CSMD1: variants seen among roughly 807,000 people sequenced by gnomAD.
CSMD1 encodes the protein CUB and sushi domain-containing protein 1.
A neutral mutation model predicts 417.5 loss-of-function variants in CSMD1; 213 were observed. The ratio of observed to expected loss-of-function variants is 0.51; its 90% confidence interval spans 0.46 to 0.57. CSMD1 has a LOEUF of 0.57. CSMD1 is among the 20% of genes least tolerant of loss of function. CSMD1 has a pLI of 0.00. For synonymous variants in CSMD1, 2,862 were observed against 1,736.8 expected, an observed-to-expected ratio of 1.65 and a Z score of -16.11; for missense variants, 6,923 against 4,529.7, an observed-to-expected ratio of 1.53 and a Z score of -15.17.
Position 4,232,712 on chromosome 8 carries a change from C to T in CSMD1, c.415+187241G>A, listed in dbSNP as rs114229115. The stretch of plus-strand genomic sequence containing the variant: ...GAGACATTTTATAAAAGTGTCATGT[C>T]AAGCATGATTTAACAGTCGTAAGAT... On this transcript the variant is annotated intron_variant, in intron 3 of 69. Coordinates refer to ENST00000635120, the MANE Select transcript of CSMD1 (RefSeq NM_033225.6). Among the ~76,000 whole-genome samples, 1,093 of 152,270 alleles carry T rather than the reference C, an allele frequency of 7.2e-3. 9 individuals are homozygous for T. The highest frequency in any genetic ancestry group is 0.025 in the African/African-American group (1,021 of 41,544).
Position 3,884,976 on chromosome 8 carries a change from CAT to C in CSMD1, c.818+112925_818+112926del, listed in dbSNP as rs150695435. ...ACACACACATTCAGAAGGCATCATTCATATATATATATATGCACCTATCAAAT... is the reference window on the plus strand; with the variant it reads ...ACACACACATTCAGAAGGCATCATTCATATATATATATGCACCTATCAAAT... On this transcript the variant is annotated intron_variant, in intron 5 of 69. Transcript: ENST00000635120. Among the ~76,000 whole-genome samples, 23 of 148,016 alleles carry C rather than the reference CAT, an allele frequency of 1.6e-4. No homozygotes were observed. In the East Asian group the frequency reaches 2.0e-3, roughly 13 times the overall value.
At chr8:4,335,811 T>C (rs1800131322) in intron 3 of CSMD1, among the ~76,000 whole-genome samples, 1 of 151,956 alleles carries the variant, frequency 6.6e-6, no homozygotes, top group South Asian at 2.1e-4. Context: ...CCATGGAAGA[T>C]ACAACATTAC....
At chr8:3,787,350 T>C (rs959775155) in intron 5 of CSMD1, among the ~76,000 whole-genome samples, 9 of 152,200 alleles carry the variant, frequency 5.9e-5, no homozygotes, top group African/African-American at 1.9e-4. Context: ...TCAATGTTGA[T>C]GCCATTTTGC....
At chr8:4,939,266 T>C (rs745878117) in intron 1 of CSMD1, among the ~76,000 whole-genome samples, 2 of 152,146 alleles carry the variant, frequency 1.3e-5, no homozygotes, top group East Asian at 3.9e-4. Flanking sequence ...AAACTAAAAA[T>C]AGAACAACCA....
chr8:3,497,924 G>C (rs936328592), intron 10 of CSMD1, among the ~76,000 whole-genome samples: 1 of 152,146 alleles, frequency 6.6e-6, no homozygotes, highest in Non-Finnish European at 1.5e-5. Flanking sequence ...CACAATGGTG[G>C]TTATCACCCT....
intron 10 of CSMD1, among the ~76,000 whole-genome samples, chr8:3,507,686 T>C (rs1005040473): frequency 3.1e-4 from 47 of 152,240 alleles, no homozygotes; most frequent in African/African-American, 1.1e-3. Context: ...GACTTTTTAA[T>C]GATTGCCATT....
intron 2 of CSMD1, among the ~76,000 whole-genome samples, chr8:4,441,260 GTT>G (rs34935169): frequency 3.0e-5 from 2 of 67,004 alleles, no homozygotes; most frequent in African/African-American, 5.9e-5. Flanking sequence ...ACTACACTCA[GTT>G]TTTTTTTTTT....
At chr8:3,591,041 T>C (rs1338161175) in intron 8 of CSMD1, among the ~76,000 whole-genome samples, 1 of 152,226 alleles carries the variant, frequency 6.6e-6, no homozygotes, top group Non-Finnish European at 1.5e-5. Context: ...AGAAAAAAGC[T>C]AGCAGTGCCT....
intron 12 of CSMD1, among the ~76,000 whole-genome samples, chr8:3,440,855 T>C (rs1314913109): frequency 2.0e-5 from 3 of 152,002 alleles, no homozygotes; most frequent in Non-Finnish European, 2.9e-5. Flanking sequence ...TGCTGAGACG[T>C]TGTCATGAAC....
At chr8:4,905,776 T>C (rs562753895) in intron 1 of CSMD1, among the ~76,000 whole-genome samples, 1,590 of 139,434 alleles carry the variant, frequency 0.011, 25 homozygotes, top group African/African-American at 0.035. Flanking sequence ...GCCGAGATTG[T>C]GCCACTGCAC....
intron 10 of CSMD1, among the ~76,000 whole-genome samples, chr8:3,519,319 T>C (rs1012232324): frequency 6.6e-6 from 1 of 152,182 alleles, no homozygotes; most frequent in Non-Finnish European, 1.5e-5. Context: ...TACTGTTAGC[T>C]CCAACCCCAA....
At chr8:4,658,480 C>G (rs762366333) in intron 1 of CSMD1, among the ~76,000 whole-genome samples, 2 of 152,010 alleles carry the variant, frequency 1.3e-5, no homozygotes, top group Non-Finnish European at 2.9e-5. Flanking sequence ...AAAGCAAAAA[C>G]AAAAACAAAA....
At chr8:3,996,078 T>G (rs1219794172) in intron 5 of CSMD1, among the ~76,000 whole-genome samples, 1 of 152,188 alleles carries the variant, frequency 6.6e-6, no homozygotes, top group Non-Finnish European at 1.5e-5. Flanking sequence ...AGAACACGCT[T>G]CTCATCACAC....
At chr8:4,463,381 G>T (rs747290152) in intron 2 of CSMD1, among the ~76,000 whole-genome samples, 4 of 152,144 alleles carry the variant, frequency 2.6e-5, no homozygotes, top group Non-Finnish European at 5.9e-5. Flanking sequence ...CCGGAAGTTC[G>T]ACATAACATT....
At chr8:3,061,693 C>T (rs376946866) in intron 49 of CSMD1, among the ~76,000 whole-genome samples, 42 of 152,138 alleles carry the variant, frequency 2.8e-4, no homozygotes, top group Admixed American at 1.2e-3. Flanking sequence ...AAAGTTATAG[C>T]GAAATCTCTA....
intron 2 of CSMD1, among the ~76,000 whole-genome samples, chr8:4,461,554 G>A (rs1293396681): frequency 4.1e-5 from 6 of 147,372 alleles, no homozygotes; most frequent in Non-Finnish European, 8.9e-5. Context: ...TTTTTGGTGG[G>A]TGGGGGTGGG....
intron 20 of CSMD1, among the ~76,000 whole-genome samples, chr8:3,363,396 C>T (rs1220300580): frequency 6.6e-6 from 1 of 152,016 alleles, no homozygotes; most frequent in East Asian, 1.9e-4. Context: ...ACGTTTTTCT[C>T]CTGTATTATA....
intron 3 of CSMD1, among the ~76,000 whole-genome samples, chr8:4,353,051 G>A (rs943161049): frequency 3.3e-5 from 5 of 152,150 alleles, no homozygotes; most frequent in Non-Finnish European, 5.9e-5. Flanking sequence ...TTAGATTGTA[G>A]AAAGAGTAAA....
At chr8:3,269,023 C>G (rs1454783418) in intron 26 of CSMD1, among the ~76,000 whole-genome samples, 1 of 152,186 alleles carries the variant, frequency 6.6e-6, no homozygotes, top group Non-Finnish European at 1.5e-5. Context: ...TCTTGATTCT[C>G]TCCTTCGATT....
Sources: allele counts gnomAD v4.1 joint callset (sites outside exome capture counted in the v4.1 genomes callset), GRCh38; gene constraint gnomAD v4.1.1; transcripts MANE v1.5; gene names NCBI Gene and HGNC (gene_info 2026-07-23, HGNC 2026-07-21).